PIGU: variants seen among roughly 807,000 people sequenced by gnomAD.
The protein encoded by PIGU is phosphatidylinositol glycan anchor biosynthesis class U.
A neutral mutation model predicts 49.9 loss-of-function variants in PIGU; 24 were observed. That is an observed-to-expected ratio of 0.48 (90% CI 0.35 to 0.68). PIGU has a LOEUF of 0.68. Ranked by LOEUF, PIGU falls within the 30% of genes least tolerant of loss-of-function variation. The pLI is 0.01. For synonymous variants in PIGU, 220 were observed against 205.7 expected (o/e 1.07, Z -0.59); for missense variants, 490 against 532.6 (o/e 0.92, Z 0.79).
intron 10 of PIGU, 69 bp downstream of exon 10, chr20:34,581,479 C>A: frequency 6.3e-7 from 1 of 1,580,546 alleles, no homozygotes; most frequent in Admixed American, 1.7e-5. Context: ...CTATGAATTC[C>A]TTTTCCCTGC....
intron 7 of PIGU, among the ~76,000 whole-genome samples, chr20:34,597,676 C>T (rs968063286): frequency 1.3e-5 from 2 of 152,184 alleles, no homozygotes; most frequent in Non-Finnish European, 2.9e-5. Context: ...CTGCAATTTA[C>T]TTCAAAATGT....
intron 9 of PIGU, 79 bp downstream of exon 9, chr20:34,585,358 G>A: frequency 6.7e-7 from 1 of 1,484,532 alleles, no homozygotes; most frequent in Non-Finnish European, 9.2e-7. Context: ...CACATTTGAA[G>A]GCCACCCTCA....
intron 6 of PIGU, among the ~76,000 whole-genome samples, chr20:34,621,663 A>T (rs1315760948): frequency 6.6e-6 from 1 of 152,222 alleles, no homozygotes; most frequent in Non-Finnish European, 1.5e-5. Flanking sequence ...AAAAGGAGTT[A>T]GGAAGGCAGA....
Position 34,654,481 on chromosome 20 carries a change from CAA to C in PIGU, c.195+2697_195+2698del, listed in dbSNP as rs199991691. ...TGGGCAAAAGAGCAAAACTCTGTCT[CAA>C]AAAAAAAAAAAAAAAAGTCTCTGAA... is the stretch of plus-strand genomic sequence containing the variant. On this transcript the variant is annotated intron_variant, in intron 2 of 11. Transcript: ENST00000217446. Among the ~76,000 whole-genome samples, 17 of 48,860 alleles carry C rather than the reference CAA, an allele frequency of 3.5e-4. 1 individual carries two copies. Among genetic ancestry groups the C allele is most frequent in the Admixed American group, 9.5e-4 (3 of 3,148 alleles). 32.1% of individuals were successfully genotyped at this position (48,860 alleles called of 152,430 possible). A position where few individuals can be genotyped will look rare whatever the true frequency, so the allele number is the denominator to read the frequency against.
At chr20:34,595,284 C>G (rs192391293) in intron 7 of PIGU, among the ~76,000 whole-genome samples, 3 of 152,172 alleles carry the variant, frequency 2.0e-5, no homozygotes, top group East Asian at 1.9e-4. Context: ...AAAATTGTGT[C>G]TGTACTGAAC....
At chr20:34,603,857 G>A (rs1568635206) in intron 7 of PIGU, among the ~76,000 whole-genome samples, 2 of 70,746 alleles carry the variant, frequency 2.8e-5, no homozygotes, top group African/African-American at 1.2e-4. Flanking sequence ...CCTTTTAGTG[G>A]ACAGACACAC....
At chr20:34,669,525 G>A (rs923898292) in intron 1 of PIGU, among the ~76,000 whole-genome samples, 5 of 151,832 alleles carry the variant, frequency 3.3e-5, no homozygotes, top group African/African-American at 1.2e-4. Flanking sequence ...AAATTAGCTG[G>A]GTGTGGTGGC....
chr20:34,602,466 G>A (rs367650299), intron 7 of PIGU, among the ~76,000 whole-genome samples: 62 of 138,812 alleles, frequency 4.5e-4, no homozygotes, highest in Middle Eastern at 9.5e-3. Context: ...GCGTGGTGGT[G>A]GGTGCCTGTA....
chr20:34,649,317 T>TGTCTCTTCTCCCATTCTAGAACTCCACTG, intron 2 of PIGU, among the ~76,000 whole-genome samples: 1 of 152,086 alleles, frequency 6.6e-6, no homozygotes, highest in Non-Finnish European at 1.5e-5. Context: ...TGCCTCGTTC[T>TGTCTCTTCTCCCATTCTAGAACTCCACTG]GTCTCTTCTC....
chr20:34,633,004 C>A (rs1054431400), intron 6 of PIGU, among the ~76,000 whole-genome samples: 27 of 149,534 alleles, frequency 1.8e-4, no homozygotes, highest in African/African-American at 6.4e-4. Flanking sequence ...TTGGCACCCA[C>A]AAACTAAGCA....
At chr20:34,629,350 T>C (rs1860919784) in intron 6 of PIGU, among the ~76,000 whole-genome samples, 1 of 152,170 alleles carries the variant, frequency 6.6e-6, no homozygotes, top group Non-Finnish European at 1.5e-5. Context: ...AATGGGATAT[T>C]AGCACATGTG....
chr20:34,585,868 T>C (rs1478659710), intron 8 of PIGU, among the ~76,000 whole-genome samples: 1 of 152,372 alleles, frequency 6.6e-6, no homozygotes, highest in Admixed American at 6.5e-5. Flanking sequence ...CCTGTTTTAC[T>C]GCGCAAGACA....
chr20:34,639,176 C>A (rs373248723), intron 4 of PIGU, among the ~76,000 whole-genome samples: 4 of 152,112 alleles, frequency 2.6e-5, no homozygotes, highest in African/African-American at 9.6e-5. Flanking sequence ...CCGAGGCAGG[C>A]AGATCACAAG....
At chr20:34,639,196 T>C (rs1600651040) in intron 4 of PIGU, among the ~76,000 whole-genome samples, 1 of 151,962 alleles carries the variant, frequency 6.6e-6, no homozygotes. Context: ...GGTCAGGAGA[T>C]CGAGACCATC....
At chr20:34,673,277 A>C (rs1266160767) in intron 1 of PIGU, among the ~76,000 whole-genome samples, 2 of 149,064 alleles carry the variant, frequency 1.3e-5, no homozygotes, top group African/African-American at 5.0e-5. Flanking sequence ...AAAAAAATGT[A>C]AAATGTCATG....
chr20:34,615,936 G>A lies in PIGU; in HGVS notation c.627+106C>T, dbSNP rs938632835. 1.7e-5 allele frequency: 24 copies of A among 1,431,006 alleles called. No individual in the cohort carries two copies. The African/African-American group carries it at 2.2e-4, about 13-fold the overall frequency. 88.6% of individuals were successfully genotyped at this position (1,431,006 alleles called of 1,614,324 possible). ...TGTTTATATTTTCAACTGGGAGCAA[G>A]CTTCCCACTGCCTTTACTAACCCGT... On this transcript the variant is annotated intron_variant, in intron 7 of 11. Transcript: ENST00000217446.
chr20:34,657,774 T>C (rs564810705), intron 1 of PIGU, among the ~76,000 whole-genome samples: 5 of 152,340 alleles, frequency 3.3e-5, no homozygotes, highest in Non-Finnish European at 7.3e-5. Flanking sequence ...CAAAGAGGTA[T>C]GTTCCTTACA....
At chr20:34,630,268 G>C (rs1208103130) in intron 6 of PIGU, among the ~76,000 whole-genome samples, 6 of 152,128 alleles carry the variant, frequency 3.9e-5, no homozygotes, top group Non-Finnish European at 8.8e-5. Flanking sequence ...ACAAGTCTAG[G>C]AACTACTTTG....
intron 2 of PIGU, among the ~76,000 whole-genome samples, chr20:34,653,294 T>C (rs1325727592): frequency 1.3e-5 from 2 of 152,208 alleles, no homozygotes; most frequent in Admixed American, 6.5e-5. Flanking sequence ...TCAAGTCTTT[T>C]ATATCTTTGC....
Sources: gnomAD v4.1 joint callset for allele counts (sites outside exome capture counted in the v4.1 genomes callset) on GRCh38, gnomAD v4.1.1 for gene constraint, MANE v1.5 for transcripts, NCBI Gene and HGNC (gene_info 2026-07-23, HGNC 2026-07-21) for gene names.